Variants in WDR41 observed in about 807,000 individuals in gnomAD.
The protein encoded by WDR41 is WD repeat-containing protein 41.
A neutral mutation model predicts 69.3 loss-of-function variants in WDR41; 63 were observed. That is an observed-to-expected ratio of 0.91 (90% CI 0.74 to 1.12). The LOEUF (loss-of-function observed/expected upper bound fraction) is 1.12. Among genes scored for constraint, WDR41 ranks in the 50% most tolerant of loss-of-function variants. The pLI is 0.00. For missense variants in WDR41, 543 were observed against 534.5 expected, an observed-to-expected ratio of 1.02 and a Z score of -0.16; for synonymous variants, 185 against 192.1, an observed-to-expected ratio of 0.96 and a Z score of 0.31.
At chr5:77,484,333 T>C (rs1240715157) in intron 2 of WDR41, among the ~76,000 whole-genome samples, 3 of 152,196 alleles carry the variant, frequency 2.0e-5, no homozygotes, top group Non-Finnish European at 4.4e-5. Context: ...AATTCCCCGC[T>C]TGATTCAGGG....
intron 1 of WDR41, chr5:77,582,334 A>C: frequency 6.4e-7 from 1 of 1,561,426 alleles, no homozygotes; most frequent in Middle Eastern, 1.9e-4. Flanking sequence ...TAACAAGTGC[A>C]GAGTACGCAT....
intron 1 of WDR41, among the ~76,000 whole-genome samples, chr5:77,528,829 C>G (rs1230263603): frequency 6.6e-6 from 1 of 151,480 alleles, no homozygotes; most frequent in Admixed American, 6.6e-5. Context: ...AATTCGATAT[C>G]TCATCATTAT....
At chr5:77,468,267 TA>T (rs1253584732) in intron 2 of WDR41, among the ~76,000 whole-genome samples, 2 of 152,078 alleles carry the variant, frequency 1.3e-5, no homozygotes, top group Non-Finnish European at 2.9e-5. Context: ...TATAGATGCT[TA>T]AACCTAAGAA....
At chr5:77,583,063 G>A in intron 1 of WDR41, 4 of 1,595,708 alleles carry the variant, frequency 2.5e-6, no homozygotes, top group Non-Finnish European at 3.4e-6. Flanking sequence ...TTTTGTAGAA[G>A]GTAGAGATGC....
At chr5:77,611,515 C>T (rs1300793376) in intron 1 of WDR41, among the ~76,000 whole-genome samples, 592 of 150,954 alleles carry the variant, frequency 3.9e-3, no homozygotes, top group African/African-American at 0.013. Context: ...CTCAAAACCG[C>T]TCAACTACAT....
At chr5:77,469,480 C>T (rs1377885365) in intron 2 of WDR41, among the ~76,000 whole-genome samples, 1 of 152,080 alleles carries the variant, frequency 6.6e-6, no homozygotes, top group East Asian at 1.9e-4. Flanking sequence ...AAAACTGATC[C>T]TTAAATCTAC....
chr5:77,546,203 C>T (rs1214803488), intron 1 of WDR41: 15 of 415,700 alleles, frequency 3.6e-5, no homozygotes, highest in Non-Finnish European at 5.6e-5. Context: ...CTGACCACCT[C>T]GTCAAGACCC....
intron 1 of WDR41, among the ~76,000 whole-genome samples, chr5:77,576,256 C>T (rs988764114): frequency 6.6e-6 from 1 of 152,066 alleles, no homozygotes; most frequent in African/African-American, 2.4e-5. Flanking sequence ...CCTTCTGGTC[C>T]TTTCCCTTAC....
At chr5:77,504,826 C>A (rs550793012) in intron 1 of WDR41, among the ~76,000 whole-genome samples, 1 of 152,098 alleles carries the variant, frequency 6.6e-6, no homozygotes, top group Non-Finnish European at 1.5e-5. Context: ...ATTCAACAGC[C>A]CTTCACGCTA....
chr5:77,464,832 GAA>G (rs11433376), intron 2 of WDR41, 23 bp from the exon 3 acceptor site: 4 of 1,573,470 alleles, frequency 2.5e-6, no homozygotes, highest in Non-Finnish European at 3.5e-6. Context: ...AAAGGGTCAA[GAA>G]AAAAAAATCA....
chr5:77,445,989 T>C (rs1799365318), intron 8 of WDR41, among the ~76,000 whole-genome samples: 1 of 152,126 alleles, frequency 6.6e-6, no homozygotes, highest in South Asian at 2.1e-4. Flanking sequence ...AAATTGTCTC[T>C]GTTTGCAGAT....
chr5:77,492,595 A>C, upstream of WDR41: 1 of 255,796 alleles, frequency 3.9e-6, no homozygotes, highest in East Asian at 7.2e-5. Flanking sequence ...CAGCAACCCG[A>C]CCCCGGCGAG....
chr5:77,611,088 T>G (rs1380547296), intron 1 of WDR41, among the ~76,000 whole-genome samples: 4 of 152,152 alleles, frequency 2.6e-5, no homozygotes, highest in Non-Finnish European at 4.4e-5. Context: ...AAGAGATCAA[T>G]TCAACAAGAA....
intron 2 of WDR41, among the ~76,000 whole-genome samples, chr5:77,473,831 T>C (rs756151450): frequency 6.6e-6 from 1 of 152,186 alleles, no homozygotes; most frequent in Non-Finnish European, 1.5e-5. Context: ...ACAGGAACAC[T>C]TTTACACTGT....
chr5:77,603,468 A>G (rs1744361745), intron 1 of WDR41, among the ~76,000 whole-genome samples: 1 of 152,154 alleles, frequency 6.6e-6, no homozygotes, highest in Non-Finnish European at 1.5e-5. Flanking sequence ...TATGTGTTGG[A>G]CATTAGTTTC....
At chr5:77,489,347 A>T in intron 2 of WDR41, 110 bp downstream of exon 2, 1 of 557,938 alleles carries the variant, frequency 1.8e-6, no homozygotes, top group Admixed American at 3.4e-5. Flanking sequence ...ACTAATGATC[A>T]CAGTTTTTAA....
chr5:77,451,240 T>A (rs1336194184), intron 7 of WDR41, 51 bp downstream of exon 7: 2 of 1,547,076 alleles, frequency 1.3e-6, no homozygotes, highest in Non-Finnish European at 1.8e-6. Context: ...TTCCAGCATG[T>A]GTATACAATT....
At chr5:77,479,520 AT>A (rs1317232613) in intron 2 of WDR41, among the ~76,000 whole-genome samples, 1 of 152,174 alleles carries the variant, frequency 6.6e-6, no homozygotes, top group African/African-American at 2.4e-5. Context: ...ATAACGCCGC[AT>A]ATCTACAACT....
At chr5:77,476,612 C>T (rs1347697683) in intron 2 of WDR41, among the ~76,000 whole-genome samples, 4 of 151,694 alleles carry the variant, frequency 2.6e-5, no homozygotes, top group African/African-American at 9.7e-5. Context: ...ACTTTACAGA[C>T]AAGCAAATGC....
Sources: allele counts gnomAD v4.1 joint callset (sites outside exome capture counted in the v4.1 genomes callset), GRCh38; gene constraint gnomAD v4.1.1; transcripts MANE v1.5; gene names NCBI Gene and HGNC (gene_info 2026-07-23, HGNC 2026-07-21).